C8orf34: variants seen among roughly 807,000 people sequenced by gnomAD.
C8orf34 encodes the protein chromosome 8 open reading frame 34.
In C8orf34, 65 loss-of-function variants were observed where a neutral mutation model predicts 68.3. That is an observed-to-expected ratio of 0.95 (90% confidence interval 0.78 to 1.17). The LOEUF is 1.17. Among genes scored for constraint, C8orf34 ranks in the 50% most tolerant of loss-of-function variants. The pLI is 0.00. For missense variants in C8orf34, 664 were observed against 655.4 expected, an observed-to-expected ratio of 1.01 and a Z score of -0.14; for synonymous variants, 244 against 241.2, an observed-to-expected ratio of 1.01 and a Z score of -0.11.
chr8:68,460,905 C>T (rs555410451), intron 3 of C8orf34, among the ~76,000 whole-genome samples: 42 of 152,312 alleles, frequency 2.8e-4, no homozygotes, highest in African/African-American at 9.4e-4. Flanking sequence ...TCCAAAGGAA[C>T]GCAGTTCCTC....
intron 5 of C8orf34, among the ~76,000 whole-genome samples, chr8:68,512,156 T>C (rs1814303363): frequency 6.6e-6 from 1 of 152,220 alleles, no homozygotes; most frequent in African/African-American, 2.4e-5. Context: ...TAGTTACAGT[T>C]AGAAACACAA....
At chr8:68,371,512 T>G (rs560181342) in intron 1 of C8orf34, among the ~76,000 whole-genome samples, 147 of 152,274 alleles carry the variant, frequency 9.7e-4, no homozygotes, top group African/African-American at 3.2e-3. Context: ...AAGATTATTT[T>G]ATGACTAGTG....
At chr8:68,742,917 C>A (rs1034530132) in intron 10 of C8orf34, among the ~76,000 whole-genome samples, 11 of 152,152 alleles carry the variant, frequency 7.2e-5, no homozygotes, top group African/African-American at 2.4e-4. Flanking sequence ...TCTTCTTAGA[C>A]CCCATTCCCT....
intron 10 of C8orf34, among the ~76,000 whole-genome samples, chr8:68,763,530 A>G (rs190479291): frequency 1.1e-3 from 174 of 152,224 alleles, no homozygotes; most frequent in Admixed American, 2.6e-3. Context: ...AATGTAGTCA[A>G]TTTTGAAAAT....
chr8:68,501,561 C>G lies in C8orf34; in HGVS notation c.765+13510C>G, dbSNP rs113627208. ...CCAGCACTATGCCTTTGCCTGTTCT[C>G]TAGAGGTGAGTCCCCAGTTGCACAG... On this transcript the variant is annotated intron_variant, in intron 5 of 13. Coordinates refer to ENST00000518698, the MANE Select transcript of C8orf34 (RefSeq NM_052958.4). Among the ~76,000 whole-genome samples the G allele has an allele frequency of 8.1e-3, 1,240 of 152,276 alleles. 18 individuals carry two copies. Among genetic ancestry groups the G allele is most frequent in the African/African-American group, 0.029 (1,187 of 41,544 alleles).
intron 10 of C8orf34, among the ~76,000 whole-genome samples, chr8:68,747,172 C>CA: frequency 6.6e-6 from 1 of 152,098 alleles, no homozygotes; most frequent in South Asian, 2.1e-4. Flanking sequence ...AGGCCTTTGA[C>CA]AAAATTCAAC....
intron 3 of C8orf34, among the ~76,000 whole-genome samples, chr8:68,451,123 A>G (rs1030269441): frequency 1.3e-5 from 2 of 152,096 alleles, no homozygotes; most frequent in Non-Finnish European, 2.9e-5. Flanking sequence ...CTTAAACCAC[A>G]TGAACCAACA....
intron 4 of C8orf34, among the ~76,000 whole-genome samples, chr8:68,483,875 A>G (rs1043860639): frequency 6.6e-6 from 1 of 152,224 alleles, no homozygotes; most frequent in Non-Finnish European, 1.5e-5. Context: ...AGTTTCTGAA[A>G]GAACTAATTT....
chr8:68,516,587 G>T (rs7826853), intron 5 of C8orf34, among the ~76,000 whole-genome samples: 36,738 of 151,742 alleles, frequency 0.24, 7,314 homozygotes, highest in African/African-American at 0.55. Flanking sequence ...TGCAGAAATT[G>T]GTAAGCTTTG....
chr8:68,680,798 C>G (rs1820345672), intron 8 of C8orf34, among the ~76,000 whole-genome samples: 1 of 152,088 alleles, frequency 6.6e-6, no homozygotes, highest in Admixed American at 6.6e-5. Flanking sequence ...GAGCAGAGAA[C>G]CAGTCTGACC....
chr8:68,772,829 T>C (rs1585860087), intron 10 of C8orf34, among the ~76,000 whole-genome samples: 1 of 148,492 alleles, frequency 6.7e-6, no homozygotes, highest in East Asian at 1.9e-4. Flanking sequence ...TGTCTGTCTT[T>C]CTTTTCTTTC....
chr8:68,701,942 C>G (rs1821030105), intron 8 of C8orf34, among the ~76,000 whole-genome samples: 2 of 151,990 alleles, frequency 1.3e-5, no homozygotes, highest in African/African-American at 4.8e-5. Context: ...AGTTTAGGCT[C>G]ACAGATCACC....
intron 5 of C8orf34, among the ~76,000 whole-genome samples, chr8:68,509,173 G>T (rs1481621581): frequency 6.6e-6 from 1 of 152,200 alleles, no homozygotes; most frequent in Non-Finnish European, 1.5e-5. Context: ...GGGGCACTGT[G>T]TTGGGGGAAA....
chr8:68,450,310 A>G (rs1393642693), intron 3 of C8orf34, among the ~76,000 whole-genome samples: 1 of 152,094 alleles, frequency 6.6e-6, no homozygotes, highest in Non-Finnish European at 1.5e-5. Context: ...AAAGTCATCC[A>G]TGAGGGTTGA....
chr8:68,749,798 G>A (rs1313804987), intron 10 of C8orf34, among the ~76,000 whole-genome samples: 4 of 152,148 alleles, frequency 2.6e-5, no homozygotes, highest in Admixed American at 2.0e-4. Context: ...ATAGGAAAAA[G>A]TAGTTTATTG....
At position 68,772,982 on chromosome 8, in the gene C8orf34, C is replaced by T. The variant is rs188319528; in HGVS notation, c.1405-3417C>T. 4.4e-4 allele frequency among the ~76,000 whole-genome samples: 67 copies of T among 151,894 alleles called. 1 individual carries two copies. In the East Asian group the frequency reaches 0.01, roughly 24 times the overall value. On this transcript the variant is annotated intron_variant, in intron 10 of 13. Transcript: ENST00000518698. ...CTGCCTCTCCTTGTATCCTCTCCCC[C>T]TCTTTGTTTTTCAAGGGAAATTGCA...
chr8:68,696,519 C>G (rs2130921851), intron 8 of C8orf34, among the ~76,000 whole-genome samples: 1 of 151,502 alleles, frequency 6.6e-6, no homozygotes, highest in Middle Eastern at 3.4e-3. Context: ...CAGATAAATT[C>G]CTCAAAAGGA....
intron 7 of C8orf34, among the ~76,000 whole-genome samples, chr8:68,613,443 T>TCCCCCCCCC (rs141908753): frequency 3.1e-5 from 4 of 130,124 alleles, no homozygotes; most frequent in African/African-American, 1.2e-4. Flanking sequence ...TCCCTCCCCC[T>TCCCCCCCCC]CCCCCCACAC....
At chr8:68,580,518 G>A (rs937304948) in intron 7 of C8orf34, among the ~76,000 whole-genome samples, 2 of 152,000 alleles carry the variant, frequency 1.3e-5, no homozygotes, top group African/African-American at 4.8e-5. Flanking sequence ...TTACACTTAT[G>A]GCCCCTATCA....
Sources: allele counts gnomAD v4.1 joint callset (sites outside exome capture counted in the v4.1 genomes callset), GRCh38; gene constraint gnomAD v4.1.1; transcripts MANE v1.5; gene names NCBI Gene and HGNC (gene_info 2026-07-23, HGNC 2026-07-21).